KIAA1671: variants seen among roughly 807,000 people sequenced by gnomAD.
KIAA1671 encodes uncharacterized protein KIAA1671.
Under a neutral mutation model 131.2 loss-of-function variants are expected in KIAA1671, and 52 were observed. The observed-to-expected ratio is 0.40, with a 90% CI of 0.32 to 0.50. The LOEUF (loss-of-function observed/expected upper bound fraction) is 0.50, where lower values mean the gene tolerates loss of function less well. KIAA1671 is among the 20% of genes least tolerant of loss of function. KIAA1671 has a pLI of 0.73. For synonymous variants in KIAA1671, 1,003 were observed against 961.6 expected, an observed-to-expected ratio of 1.04 and a Z score of -0.80; for missense variants, 2,360 against 2,364.2, an observed-to-expected ratio of 1.00 and a Z score of 0.04.
At chr22:25,106,719 TA>T (rs1378364157) in intron 6 of KIAA1671, among the ~76,000 whole-genome samples, 1 of 152,204 alleles carries the variant, frequency 6.6e-6, no homozygotes, top group Non-Finnish European at 1.5e-5. Context: ...CAATTGTTTT[TA>T]AAAAATTAAA....
At chr22:25,005,634 GTGTCCCC>G (rs1276060849) in intron 1 of KIAA1671, among the ~76,000 whole-genome samples, 1 of 152,204 alleles carries the variant, frequency 6.6e-6, no homozygotes, top group Non-Finnish European at 1.5e-5. Flanking sequence ...CCTCGTGGTA[GTGTCCCC>G]TGCATTTAAG....
chr22:25,017,340 G>A (rs933543083), intron 1 of KIAA1671, among the ~76,000 whole-genome samples: 9 of 152,090 alleles, frequency 5.9e-5, no homozygotes, highest in Admixed American at 1.3e-4. Flanking sequence ...CCGAGATTGC[G>A]CCACTGCACT....
At chr22:25,163,439 A>ATT (rs132896) in intron 6 of KIAA1671, among the ~76,000 whole-genome samples, 1 of 66,456 alleles carries the variant, frequency 1.5e-5, no homozygotes. Context: ...CCTTGGCTGT[A>ATT]TTTTTTTTTT....
At chr22:24,992,846 C>T (rs1305540175) in intron 1 of KIAA1671, among the ~76,000 whole-genome samples, 1 of 129,702 alleles carries the variant, frequency 7.7e-6, no homozygotes, top group Non-Finnish European at 1.7e-5. Context: ...AAAGACAATG[C>T]CAAGTGCTTT....
chr22:25,179,153 G>A, intron 9 of KIAA1671, among the ~76,000 whole-genome samples: 1 of 152,198 alleles, frequency 6.6e-6, no homozygotes, highest in East Asian at 1.9e-4. Context: ...TCACCACGAG[G>A]ACAGGGCAGG....
At chr22:25,163,661 C>T (rs1024204089) in intron 6 of KIAA1671, among the ~76,000 whole-genome samples, 2 of 151,662 alleles carry the variant, frequency 1.3e-5, no homozygotes, top group South Asian at 2.1e-4. Flanking sequence ...GGGATGGTCT[C>T]GATCTCTTGA....
At chr22:24,966,951 G>T (rs749646266) in intron 1 of KIAA1671, among the ~76,000 whole-genome samples, 1 of 152,196 alleles carries the variant, frequency 6.6e-6, no homozygotes, top group Non-Finnish European at 1.5e-5. Context: ...GCAAGAGCCT[G>T]TCACAAATGA....
At chr22:24,979,243 T>C (rs994063304) in intron 1 of KIAA1671, among the ~76,000 whole-genome samples, 2 of 148,990 alleles carry the variant, frequency 1.3e-5, no homozygotes, top group Non-Finnish European at 3.0e-5. Flanking sequence ...CTTGAACTCC[T>C]GACCTCAGGT....
chr22:25,131,154 C>G (rs975025630), intron 6 of KIAA1671, among the ~76,000 whole-genome samples: 1 of 152,180 alleles, frequency 6.6e-6, no homozygotes, highest in Non-Finnish European at 1.5e-5. Context: ...GAGTTCTTAG[C>G]ATTTCGTATG....
chr22:25,013,494 C>G (rs918492794), intron 1 of KIAA1671: 1 of 152,126 alleles, frequency 6.6e-6, no homozygotes, highest in Non-Finnish European at 1.5e-5. Flanking sequence ...GCTTTGCCAG[C>G]CAGTGTAAGC....
chr22:25,084,427 CAGCCTCAGCGACAG>C (rs1167120573), intron 6 of KIAA1671, among the ~76,000 whole-genome samples: 1 of 147,054 alleles, frequency 6.8e-6, no homozygotes, highest in African/African-American at 2.5e-5. Context: ...CAAAGCACTC[CAGCCTCAGCGACAG>C]AGCAAGACTC....
chr22:25,170,993 G>A, intron 7 of KIAA1671, 55 bp downstream of exon 7: 5 of 1,367,086 alleles, frequency 3.7e-6, no homozygotes, highest in Non-Finnish European at 5.1e-6. Flanking sequence ...GGCTGGAGTT[G>A]CTGCAGCCCA....
intron 3 of KIAA1671, among the ~76,000 whole-genome samples, chr22:25,030,054 A>G (rs1339176495): frequency 3.9e-5 from 6 of 152,246 alleles, no homozygotes; most frequent in Non-Finnish European, 4.4e-5. Context: ...TTGGTTAATA[A>G]TGATATTCTA....
chr22:24,991,473 GT>G (rs959051866), intron 1 of KIAA1671, among the ~76,000 whole-genome samples: 2 of 128,026 alleles, frequency 1.6e-5, no homozygotes, highest in African/African-American at 6.1e-5. Context: ...TTGTTTGTTT[GT>G]TTTTTTGAGA....
intron 1 of KIAA1671, among the ~76,000 whole-genome samples, chr22:24,996,057 T>C (rs966955584): frequency 2.6e-5 from 4 of 152,194 alleles, no homozygotes; most frequent in African/African-American, 9.6e-5. Context: ...TGAGGGCAGG[T>C]GGTGTTCATC....
intron 1 of KIAA1671, among the ~76,000 whole-genome samples, chr22:24,959,192 T>A (rs926678337): frequency 6.6e-6 from 1 of 151,000 alleles, no homozygotes; most frequent in African/African-American, 2.4e-5. Context: ...CATAAAAATT[T>A]AAAAAATTAA....
intron 1 of KIAA1671, among the ~76,000 whole-genome samples, chr22:24,991,112 C>T (rs774345548): frequency 7.2e-5 from 11 of 152,120 alleles, no homozygotes; most frequent in East Asian, 5.8e-4. Flanking sequence ...CTCCGCCTTC[C>T]GGGTTCAAGC....
chr22:25,067,420 G>A (rs1928537783), intron 6 of KIAA1671, among the ~76,000 whole-genome samples: 1 of 151,840 alleles, frequency 6.6e-6, no homozygotes, highest in African/African-American at 2.4e-5. Context: ...GACTTCCTTT[G>A]GGGTTCATCC....
At chr22:24,996,148 T>C (rs1475096224) in intron 1 of KIAA1671, among the ~76,000 whole-genome samples, 2 of 150,300 alleles carry the variant, frequency 1.3e-5, no homozygotes, top group Non-Finnish European at 3.0e-5. Flanking sequence ...AAGGACTCAT[T>C]GGGGAAGCGA....
Sources: allele counts gnomAD v4.1 joint callset (sites outside exome capture counted in the v4.1 genomes callset), GRCh38; gene constraint gnomAD v4.1.1; transcripts MANE v1.5; gene names NCBI Gene and HGNC (gene_info 2026-07-23, HGNC 2026-07-21).